ABCC4: variants seen among roughly 807,000 people sequenced by gnomAD.
ABCC4 encodes the protein ATP binding cassette subfamily C member 4 (PEL blood group), also known as ATP-binding cassette sub-family C member 4.
A neutral mutation model predicts 168.5 loss-of-function variants in ABCC4; 102 were observed. The ratio of observed to expected loss-of-function variants is 0.61; its 90% confidence interval spans 0.52 to 0.71. The LOEUF (loss-of-function observed/expected upper bound fraction) is 0.71, where lower values mean the gene tolerates loss of function less well. ABCC4 is among the 30% of genes least tolerant of loss of function. The pLI is 0.00. For synonymous variants in ABCC4, 617 were observed against 590.7 expected (o/e 1.04, Z -0.65); for missense variants, 1,402 against 1,605.8 (o/e 0.87, Z 2.17).
intron 3 of ABCC4, among the ~76,000 whole-genome samples, chr13:95,245,195 T>C (rs1391179578): frequency 1.3e-5 from 2 of 152,192 alleles, no homozygotes; most frequent in Non-Finnish European, 2.9e-5. Context: ...CATGACAAGC[T>C]CAGTTCCTTC....
At chr13:95,024,272 G>T (rs1393909289) in intron 30 of ABCC4, among the ~76,000 whole-genome samples, 3 of 151,564 alleles carry the variant, frequency 2.0e-5, no homozygotes, top group African/African-American at 7.3e-5. Flanking sequence ...GTGTCAAAAG[G>T]GGATAATAAC....
chr13:95,294,902 C>T (rs551957873), intron 1 of ABCC4, among the ~76,000 whole-genome samples: 59 of 152,012 alleles, frequency 3.9e-4, no homozygotes, highest in South Asian at 2.7e-3. Flanking sequence ...TGCAATGAGC[C>T]GAGATCACGC....
chr13:95,191,694 C>A (rs2038256634), intron 9 of ABCC4, among the ~76,000 whole-genome samples: 1 of 152,238 alleles, frequency 6.6e-6, no homozygotes, highest in African/African-American at 2.4e-5. Flanking sequence ...CTGAAACCTA[C>A]TTATTTCTGT....
intron 4 of ABCC4, among the ~76,000 whole-genome samples, chr13:95,221,438 A>T (rs1172872993): frequency 6.6e-6 from 1 of 152,152 alleles, no homozygotes; most frequent in East Asian, 1.9e-4. Flanking sequence ...TATGTTGCCC[A>T]GGCTGGTCTT....
At chr13:95,172,251 G>A (rs914068274) in intron 13 of ABCC4, among the ~76,000 whole-genome samples, 5 of 152,180 alleles carry the variant, frequency 3.3e-5, no homozygotes, top group Non-Finnish European at 5.9e-5. Flanking sequence ...AGTGATTGAT[G>A]TAGCAATGAG....
intron 1 of ABCC4, among the ~76,000 whole-genome samples, chr13:95,276,963 T>C (rs1466762171): frequency 1.3e-5 from 2 of 151,606 alleles, no homozygotes; most frequent in East Asian, 2.0e-4. Context: ...AAGTTGGAGT[T>C]AGCCGAAGTC....
intron 30 of ABCC4, among the ~76,000 whole-genome samples, chr13:95,025,327 CCCA>C: frequency 1.5e-5 from 1 of 68,386 alleles, no homozygotes; most frequent in South Asian, 6.1e-4. Flanking sequence ...CACACCCACA[CCCA>C]CACACCCATA....
At chr13:95,202,349 G>GTACA (rs2038651316) in intron 8 of ABCC4, among the ~76,000 whole-genome samples, 1 of 152,152 alleles carries the variant, frequency 6.6e-6, no homozygotes, top group East Asian at 1.9e-4. Context: ...CTCTCTGCAT[G>GTACA]TACATACACG....
chr13:95,105,208 C>T (rs1266799821), intron 20 of ABCC4, among the ~76,000 whole-genome samples: 3 of 151,962 alleles, frequency 2.0e-5, no homozygotes, highest in East Asian at 1.9e-4. Context: ...TCACAGGGTT[C>T]GTGCTCCTAT....
chr13:95,134,166 C>T (rs1487199600), intron 19 of ABCC4, among the ~76,000 whole-genome samples: 1 of 152,096 alleles, frequency 6.6e-6, no homozygotes, highest in African/African-American at 2.4e-5. Flanking sequence ...CCTCTGTGAG[C>T]TTGTATACAC....
At chr13:95,074,192 A>G (rs781674429) in intron 23 of ABCC4, 22 bp downstream of exon 23, 25 of 1,540,816 alleles carry the variant, frequency 1.6e-5, no homozygotes, top group Non-Finnish European at 1.6e-5. Context: ...TACCATACAT[A>G]GTTATTCACA....
At chr13:95,251,494 A>T (rs1451142878) in intron 1 of ABCC4, among the ~76,000 whole-genome samples, 1 of 152,204 alleles carries the variant, frequency 6.6e-6, no homozygotes, top group Non-Finnish European at 1.5e-5. Context: ...ACCTTTTTCA[A>T]TGGATTATGC....
chr13:95,264,459 G>A (rs2040614568), intron 1 of ABCC4, among the ~76,000 whole-genome samples: 1 of 152,190 alleles, frequency 6.6e-6, no homozygotes, highest in African/African-American at 2.4e-5. Context: ...CCTTAACAGA[G>A]TGATAACAGT....
At chr13:95,228,606 CT>C (rs942846358) in intron 4 of ABCC4, among the ~76,000 whole-genome samples, 1 of 151,974 alleles carries the variant, frequency 6.6e-6, no homozygotes, top group African/African-American at 2.4e-5. Flanking sequence ...GAAATGCCGT[CT>C]CTACTAAAAA....
At chr13:95,273,336 C>T (rs766366880) in intron 1 of ABCC4, among the ~76,000 whole-genome samples, 2 of 152,158 alleles carry the variant, frequency 1.3e-5, no homozygotes, top group African/African-American at 2.4e-5. Flanking sequence ...TCAGCCTTAC[C>T]GCAGCTCTGT....
In ABCC4 at chr13:95,194,904, T is replaced by G. The variant is rs1366060729; in HGVS notation, c.1195A>C (p.Asn399His). The G allele has an allele frequency of 1.9e-6, 3 of 1,614,168 alleles. No individual in the cohort carries two copies. The highest frequency in any genetic ancestry group is 1.1e-5 in the South Asian group (1 of 91,064). Reference protein sequence around the residue: ...FLLLDEISQRNRQLPSDGKKM... With the variant: ...FLLLDEISQRHRQLPSDGKKM... Reference sequence around the variant, plus strand: ...TTACCATCTGACGGCAGCTGACGGTTGCGCTGTGATATCTCATCAAGTAGC... The same window carrying G: ...TTACCATCTGACGGCAGCTGACGGTGGCGCTGTGATATCTCATCAAGTAGC... The change falls in exon 9 of 31, where the codon AAC (asparagine) becomes CAC (histidine). Residue 399 changes from asparagine to histidine, a missense_variant. Coordinates refer to ENST00000645237, the MANE Select transcript of ABCC4 (RefSeq NM_005845.5).
chr13:95,218,975 A>AAG (rs1566539793), intron 4 of ABCC4, among the ~76,000 whole-genome samples: 4 of 40,020 alleles, frequency 1.0e-4, no homozygotes, highest in African/African-American at 5.1e-4. Context: ...GAAAGAAAGA[A>AAG]AGAAAGAAAG....
At chr13:95,121,944 T>G (rs992270966) in intron 19 of ABCC4, among the ~76,000 whole-genome samples, 2 of 152,068 alleles carry the variant, frequency 1.3e-5, no homozygotes, top group African/African-American at 4.8e-5. Flanking sequence ...TAGACCAAAC[T>G]CCTCATGTTA....
At chr13:95,102,474 G>A (rs2034845087) in intron 20 of ABCC4, among the ~76,000 whole-genome samples, 1 of 151,932 alleles carries the variant, frequency 6.6e-6, no homozygotes, top group Non-Finnish European at 1.5e-5. Flanking sequence ...ATAGAGAAGG[G>A]GGTCTCACTA....
Sources: allele counts gnomAD v4.1 joint callset (sites outside exome capture counted in the v4.1 genomes callset), GRCh38; gene constraint gnomAD v4.1.1; transcripts MANE v1.5; gene names NCBI Gene and HGNC (gene_info 2026-07-23, HGNC 2026-07-21).